Variants in C12orf42 observed in about 807,000 individuals in gnomAD.
C12orf42 encodes uncharacterized protein C12orf42.
A neutral mutation model predicts 21.6 loss-of-function variants in C12orf42; 25 were observed. The ratio of observed to expected loss-of-function variants is 1.16; its 90% confidence interval spans 0.84 to 1.62. The LOEUF (loss-of-function observed/expected upper bound fraction) is 1.62. Among genes scored for constraint, C12orf42 ranks in the 40% most tolerant of loss-of-function variants. The pLI is 0.00. For missense variants in C12orf42, 483 were observed against 459.3 expected, an observed-to-expected ratio of 1.05 and a Z score of -0.47; for synonymous variants, 174 against 175.0, an observed-to-expected ratio of 0.99 and a Z score of 0.05.
intron 3 of C12orf42, among the ~76,000 whole-genome samples, chr12:103,381,612 C>T (rs1209127824): frequency 6.6e-6 from 1 of 152,150 alleles, no homozygotes; most frequent in African/African-American, 2.4e-5. Context: ...CTGGATCTGG[C>T]ACTTGGGCAA....
chr12:103,243,060 G>T (rs1020870952), intron 10 of C12orf42, among the ~76,000 whole-genome samples: 1 of 152,046 alleles, frequency 6.6e-6, no homozygotes, highest in Admixed American at 6.6e-5. Context: ...GTCTCACTCT[G>T]TTGTTTAGGC....
the C12orf42 span, among the ~76,000 whole-genome samples, chr12:103,123,550 A>G: frequency 6.6e-6 from 1 of 152,214 alleles, no homozygotes; most frequent in Non-Finnish European, 1.5e-5. Context: ...GCATAATCAT[A>G]AAAGAAAGAA....
chr12:103,473,110 C>T (rs1953755582), intron 2 of C12orf42, among the ~76,000 whole-genome samples: 1 of 152,176 alleles, frequency 6.6e-6, no homozygotes, highest in South Asian at 2.1e-4. Context: ...TATCTGCATG[C>T]TTTTGCCTTT....
the C12orf42 span, among the ~76,000 whole-genome samples, chr12:103,500,986 A>C: frequency 1.3e-5 from 2 of 152,218 alleles, no homozygotes; most frequent in Non-Finnish European, 2.9e-5. Context: ...CCTGCAGAAA[A>C]GGTGTCATCA....
chr12:103,395,949 T>A (rs1205604771), intron 3 of C12orf42, among the ~76,000 whole-genome samples: 6 of 148,594 alleles, frequency 4.0e-5, no homozygotes, highest in African/African-American at 7.3e-5. Context: ...ATATATACAT[T>A]ATATATTATA....
intron 4 of C12orf42, among the ~76,000 whole-genome samples, chr12:103,309,423 T>C (rs897663971): frequency 1.3e-4 from 20 of 152,252 alleles, no homozygotes; most frequent in African/African-American, 3.6e-4. Flanking sequence ...GAATACAGTA[T>C]ATAATACAAA....
At chr12:103,516,108 C>A in the C12orf42 span, among the ~76,000 whole-genome samples, 1 of 152,154 alleles carries the variant, frequency 6.6e-6, no homozygotes, top group Non-Finnish European at 1.5e-5. Context: ...GATCTGTAAA[C>A]ATGAGAAGTT....
chr12:103,548,939 A>G, the C12orf42 span: 1 of 152,196 alleles, frequency 6.6e-6, no homozygotes, highest in Non-Finnish European at 1.5e-5. Context: ...TTCCTGCTAC[A>G]ACACCTGGAA....
chr12:103,244,224 TGCTGGAG>T (rs1270312311), intron 10 of C12orf42, among the ~76,000 whole-genome samples: 8 of 152,150 alleles, frequency 5.3e-5, no homozygotes, highest in Non-Finnish European at 1.2e-4. Context: ...ATCCCTGGCC[TGCTGGAG>T]GCTTGGGCTG....
chr12:103,310,942 CTGT>C (rs1420919451), intron 4 of C12orf42, among the ~76,000 whole-genome samples: 1 of 152,168 alleles, frequency 6.6e-6, no homozygotes, highest in African/African-American at 2.4e-5. Context: ...TGCCCTTGTT[CTGT>C]TGTTCAAATA....
chr12:103,159,143 C>T, the C12orf42 span, among the ~76,000 whole-genome samples: 4 of 152,168 alleles, frequency 2.6e-5, no homozygotes, highest in Non-Finnish European at 5.9e-5. Context: ...AGAAGATAGG[C>T]AAGTAAAGCT....
chr12:103,502,451 C>A, the C12orf42 span, among the ~76,000 whole-genome samples: 1 of 152,164 alleles, frequency 6.6e-6, no homozygotes, highest in African/African-American at 2.4e-5. Context: ...TGTCCCCATC[C>A]CTCAGTCACA....
At chr12:103,091,402 T>C in the C12orf42 span, among the ~76,000 whole-genome samples, 1 of 150,964 alleles carries the variant, frequency 6.6e-6, no homozygotes, top group East Asian at 1.9e-4. Context: ...AAAAAAAAGA[T>C]ACAAGAACAA....
chr12:103,166,844 T>C, the C12orf42 span, among the ~76,000 whole-genome samples: 1 of 152,178 alleles, frequency 6.6e-6, no homozygotes, highest in African/African-American at 2.4e-5. Context: ...TTTTTCCTTA[T>C]GTTGTTCTGC....
chr12:103,217,250 C>T, the C12orf42 span, among the ~76,000 whole-genome samples: 76 of 152,156 alleles, frequency 5.0e-4, no homozygotes, highest in Admixed American at 1.7e-3. Flanking sequence ...ATGAGTGCAG[C>T]GGCTCACACC....
the C12orf42 span, among the ~76,000 whole-genome samples, chr12:103,064,949 G>C: frequency 6.6e-6 from 1 of 152,190 alleles, no homozygotes; most frequent in Non-Finnish European, 1.5e-5. Context: ...CATTTCCTTA[G>C]TGCAAGAATG....
intron 2 of C12orf42, among the ~76,000 whole-genome samples, chr12:103,467,255 G>A (rs1453055399): frequency 6.6e-6 from 1 of 152,100 alleles, no homozygotes; most frequent in Non-Finnish European, 1.5e-5. Flanking sequence ...TATTAAATAT[G>A]CACATATTGA....
At chr12:103,139,685 G>A in the C12orf42 span, among the ~76,000 whole-genome samples, 1 of 152,172 alleles carries the variant, frequency 6.6e-6, no homozygotes, top group Admixed American at 6.5e-5. Flanking sequence ...TCCAGAGAAC[G>A]CTGGAGATGG....
At chr12:103,349,859 C>T (rs1301558613) in intron 4 of C12orf42, among the ~76,000 whole-genome samples, 2 of 151,928 alleles carry the variant, frequency 1.3e-5, no homozygotes, top group African/African-American at 4.8e-5. Context: ...TTGAAAATGT[C>T]CAAATTCTAA....
Sources: gnomAD v4.1 joint callset for allele counts (sites outside exome capture counted in the v4.1 genomes callset) on GRCh38, gnomAD v4.1.1 for gene constraint, MANE v1.5 for transcripts, NCBI Gene and HGNC (gene_info 2026-07-23, HGNC 2026-07-21) for gene names.